Variants in PDZD2 observed in about 807,000 individuals in gnomAD.
PDZD2 encodes the protein PDZ domain containing 2.
Under a neutral mutation model 220.7 loss-of-function variants are expected in PDZD2, and 90 were observed. That is an observed-to-expected ratio of 0.41 (90% CI 0.34 to 0.49). PDZD2 has a LOEUF of 0.49. Among genes scored for constraint, PDZD2 ranks in the 20% least tolerant of loss-of-function variants. The pLI is 0.28. For synonymous variants in PDZD2, 1,375 were observed against 1,450.5 expected (o/e 0.95, Z 1.18); for missense variants, 3,174 against 3,608.5 (o/e 0.88, Z 3.08).
chr5:31,891,129 T>A, intron 2 of PDZD2, among the ~76,000 whole-genome samples: 1 of 4,010 alleles, frequency 2.5e-4, no homozygotes, highest in Non-Finnish European at 7.7e-4. Context: ...GGTTTTTCCT[T>A]TTTTTTTTTT....
intron 2 of PDZD2, among the ~76,000 whole-genome samples, chr5:31,925,720 C>G (rs1328302180): frequency 2.0e-5 from 3 of 149,522 alleles, no homozygotes; most frequent in African/African-American, 7.4e-5. Flanking sequence ...CAACAAAGGT[C>G]TAATACTAGA....
intron 2 of PDZD2, among the ~76,000 whole-genome samples, chr5:31,934,906 G>A (rs1745588765): frequency 6.6e-6 from 1 of 152,022 alleles, no homozygotes; most frequent in Non-Finnish European, 1.5e-5. Context: ...GACCAACATG[G>A]TGAAACCCCA....
At chr5:31,781,091 G>A (rs1561454822) in intron 1 of PDZD2, among the ~76,000 whole-genome samples, 1 of 152,154 alleles carries the variant, frequency 6.6e-6, no homozygotes, top group Non-Finnish European at 1.5e-5. Context: ...CCTGATGGGT[G>A]GAGGAGGATG....
intron 2 of PDZD2, among the ~76,000 whole-genome samples, chr5:31,883,853 C>T (rs1454700496): frequency 1.3e-5 from 2 of 151,958 alleles, no homozygotes; most frequent in Admixed American, 6.6e-5. Flanking sequence ...CTGCCTATCT[C>T]ACCTCCCAAA....
chr5:32,047,362 G>T (rs979148774), intron 7 of PDZD2, among the ~76,000 whole-genome samples: 1 of 152,200 alleles, frequency 6.6e-6, no homozygotes, highest in Non-Finnish European at 1.5e-5. Flanking sequence ...AAGCTGGACA[G>T]ATGCTTGTAG....
intron 19 of PDZD2, among the ~76,000 whole-genome samples, chr5:32,080,240 C>G (rs1741785146): frequency 6.7e-6 from 1 of 148,766 alleles, no homozygotes; most frequent in Non-Finnish European, 1.5e-5. Context: ...CCCAACTACT[C>G]AGGAAGCTGA....
At chr5:31,807,181 C>T (rs190263246) in intron 2 of PDZD2, among the ~76,000 whole-genome samples, 14 of 152,196 alleles carry the variant, frequency 9.2e-5, no homozygotes, top group Admixed American at 2.6e-4. Flanking sequence ...GGTGATCCAC[C>T]CATCTCAGCC....
intron 1 of PDZD2, among the ~76,000 whole-genome samples, chr5:31,691,381 C>A (rs1447442680): frequency 7.3e-6 from 1 of 136,780 alleles, no homozygotes; most frequent in Non-Finnish European, 1.5e-5. Flanking sequence ...ATTTATTGCA[C>A]AGAGCGAAAG....
chr5:31,767,027 C>CTTCTTTT (rs1752067728), intron 1 of PDZD2, among the ~76,000 whole-genome samples: 1 of 94,298 alleles, frequency 1.1e-5, no homozygotes, highest in East Asian at 3.8e-4. Flanking sequence ...TGCACCCAGC[C>CTTCTTTT]TTTTTTTTTT....
At chr5:32,019,887 C>A (rs530951963) in intron 6 of PDZD2, among the ~76,000 whole-genome samples, 1 of 151,914 alleles carries the variant, frequency 6.6e-6, no homozygotes, top group Non-Finnish European at 1.5e-5. Flanking sequence ...CCTGTCTTTG[C>A]GCATTTCATT....
At chr5:31,729,420 C>A (rs1413043701) in intron 1 of PDZD2, among the ~76,000 whole-genome samples, 1 of 152,084 alleles carries the variant, frequency 6.6e-6, no homozygotes, top group East Asian at 1.9e-4. Context: ...CTTACATGAT[C>A]CTCACAATCA....
At chr5:31,651,247 T>C (rs1417515126) in intron 1 of PDZD2, among the ~76,000 whole-genome samples, 2 of 152,038 alleles carry the variant, frequency 1.3e-5, no homozygotes, top group Non-Finnish European at 2.9e-5. Flanking sequence ...TAATTTTTAG[T>C]GTATCTGGCA....
At chr5:31,764,800 G>T (rs1561441146) in intron 1 of PDZD2, among the ~76,000 whole-genome samples, 1 of 152,186 alleles carries the variant, frequency 6.6e-6, no homozygotes, top group Non-Finnish European at 1.5e-5. Flanking sequence ...AAAGGGGCCG[G>T]GCACAGTGGC....
chr5:32,087,697 G>C lies in PDZD2; in HGVS notation c.4249G>C (p.Gly1417Arg), dbSNP rs1229682059. Reference sequence around the variant, plus strand: ...CCATGTCTCGGGGCACTGCTGCCCAGGGGGGAGTAGAGAGAGCCCTGTGAC... The same window carrying C: ...CCATGTCTCGGGGCACTGCTGCCCACGGGGGAGTAGAGAGAGCCCTGTGAC... ...CGHVSGHCCPGGSRESPVTDI... is the reference protein window; with the variant it reads ...CGHVSGHCCPRGSRESPVTDI... The change falls in exon 20 of 25, where the codon GGG becomes CGG. Residue 1417 changes from glycine (G) to arginine (R), a missense_variant. Physicochemically the swap from Gly to Arg is moderately radical, Grantham distance 125 (BLOSUM62 -2). Coordinates refer to ENST00000438447, the MANE Select transcript of PDZD2 (RefSeq NM_178140.4). The surrounding 1 kb of genome is among the most constrained non-coding windows in gnomAD (Gnocchi z 4.0). 6.2e-7 allele frequency: 1 copy of C among 1,613,072 alleles called. No individual in the cohort carries two copies. The highest frequency in any genetic ancestry group is 1.1e-5 in the South Asian group (1 of 91,052).
intron 2 of PDZD2, among the ~76,000 whole-genome samples, chr5:31,880,780 CT>C (rs1177280477): frequency 2.3e-5 from 1 of 42,768 alleles, no homozygotes; most frequent in Non-Finnish European, 5.2e-5. Flanking sequence ...AGGTAGCTTT[CT>C]TTTTTTTTTC....
At chr5:31,737,280 C>T (rs1210785753) in intron 1 of PDZD2, among the ~76,000 whole-genome samples, 1 of 145,634 alleles carries the variant, frequency 6.9e-6, no homozygotes, top group African/African-American at 2.6e-5. Context: ...TCACGCCATT[C>T]TCCTGCCTCA....
rs763882110 is a variant in PDZD2 at position 32,088,505 on chromosome 5, A to G, written c.5057A>G (p.Gln1686Arg). Residue 1686 changes from glutamine (Q) to arginine (R), a missense_variant, in exon 20 of 25, where the codon CAG becomes CGG. Gln to Arg is a conservative substitution (Grantham distance 43, BLOSUM62 1). Transcript: ENST00000438447. The surrounding 1 kb of genome is among the most constrained non-coding windows in gnomAD (Gnocchi z 4.6). ...ACTCATGCGGACATAAGCACTTCACAGAACCACAGGCCCTCGTGTGCAGAA... is the reference window on the plus strand; with the variant it reads ...ACTCATGCGGACATAAGCACTTCACGGAACCACAGGCCCTCGTGTGCAGAA... Reference protein sequence around the residue: ...HETHADISTSQNHRPSCAEET... With the variant: ...HETHADISTSRNHRPSCAEET... 2.4e-5 allele frequency: 39 copies of G among 1,614,194 alleles called. No individual in the cohort carries two copies. The highest frequency in any genetic ancestry group is 3.3e-5 in the Non-Finnish European group (39 of 1,180,032).
At chr5:32,076,622 A>T (rs2112416053) in intron 18 of PDZD2, among the ~76,000 whole-genome samples, 1 of 152,362 alleles carries the variant, frequency 6.6e-6, no homozygotes, top group Admixed American at 6.5e-5. Flanking sequence ...CTTGATTTAA[A>T]TTGAAGTGAA....
intron 1 of PDZD2, among the ~76,000 whole-genome samples, chr5:31,656,195 A>G (rs1474668099): frequency 6.6e-6 from 1 of 152,156 alleles, no homozygotes. Flanking sequence ...ATGCGCATGT[A>G]TTCCATACTC....
Sources: gnomAD v4.1 joint callset for allele counts (sites outside exome capture counted in the v4.1 genomes callset) on GRCh38, gnomAD v4.1.1 for gene constraint, Gnocchi (gnomAD v3.1) non-coding constraint, MANE v1.5 for transcripts, NCBI Gene and HGNC (gene_info 2026-07-23, HGNC 2026-07-21) for gene names.